STARD9: variants seen among roughly 807,000 people sequenced by gnomAD.
The protein encoded by STARD9 is StAR related lipid transfer domain containing 9.
In STARD9, 346 loss-of-function variants were observed where a neutral mutation model predicts 399.8. That is an observed-to-expected ratio of 0.87 (90% CI 0.79 to 0.95). The LOEUF (loss-of-function observed/expected upper bound fraction) is 0.95. Among genes scored for constraint, STARD9 ranks in the 40% least tolerant of loss-of-function variants. The pLI is 0.00. For synonymous variants in STARD9, 2,203 were observed against 2,143.5 expected (o/e 1.03, Z -0.77); for missense variants, 5,832 against 5,667.5 (o/e 1.03, Z -0.93).
At position 42,585,536 on chromosome 15, in the gene STARD9, G is replaced by A; in HGVS notation, c.133G>A (p.Asp45Asn). 1 of 1,536,988 alleles carries A rather than the reference G, an allele frequency of 6.5e-7. No homozygotes were observed. Among genetic ancestry groups the A allele is most frequent in the Non-Finnish European group, 8.7e-7 (1 of 1,146,724 alleles). Residue 45 changes from aspartate (D) to asparagine (N), a missense_variant, in exon 3 of 33, where the codon GAT becomes AAT. Asp to Asn is a conservative substitution (Grantham distance 23). Coordinates refer to ENST00000290607, the MANE Select transcript of STARD9 (RefSeq NM_020759.3). Reference sequence around the variant, plus strand: ...TTGATTTTAGGTGGACAATCGACCAGATGGCTTTGGGGACTCCCGGGAGAA... The same window carrying A: ...TTGATTTTAGGTGGACAATCGACCAAATGGCTTTGGGGACTCCCGGGAGAA... The part of the protein sequence containing the change: ...IRNLKVDNRP[D>N]GFGDSREKVM...
chr15:42,661,995 TA>T (rs956111684), intron 10 of STARD9, among the ~76,000 whole-genome samples: 59 of 151,584 alleles, frequency 3.9e-4, no homozygotes, highest in African/African-American at 1.3e-3. Context: ...GTTCTTTACT[TA>T]AAAAAAAAGT....
At chr15:42,697,123 G>C (rs559993843) in intron 26 of STARD9, among the ~76,000 whole-genome samples, 2 of 152,154 alleles carry the variant, frequency 1.3e-5, no homozygotes, top group Non-Finnish European at 2.9e-5. Context: ...CCAGTTTGTT[G>C]TATATTTCCA....
rs573233164 is a variant in STARD9 at position 42,657,956 on chromosome 15, C to T, written c.703-3202C>T. Among the ~76,000 whole-genome samples the T allele has an allele frequency of 9.9e-5, 15 of 152,234 alleles. No individual in the cohort carries two copies. In the South Asian group the frequency reaches 2.1e-3, roughly 21 times the overall value. On this transcript the variant is annotated intron_variant, in intron 9 of 32. Transcript: ENST00000290607. ...CTTTGATCTATATTTTGCACTTTAT[C>T]GAAAAGTTAACTCATATTGAATCAT...
intron 7 of STARD9, 138 bp downstream of exon 7, chr15:42,638,950 T>A: frequency 2.2e-6 from 1 of 456,826 alleles, no homozygotes; most frequent in Non-Finnish European, 3.8e-6. Flanking sequence ...GAATATGTAT[T>A]GATAAATAGA....
chr15:42,666,022 T>C (rs2060094966), intron 15 of STARD9, among the ~76,000 whole-genome samples, 174 bp downstream of exon 15: 1 of 152,262 alleles, frequency 6.6e-6, no homozygotes, highest in Non-Finnish European at 1.5e-5. Flanking sequence ...AGGGGGACTG[T>C]TAATGGCTTT....
Position 42,693,929 on chromosome 15 carries a change from C to T in STARD9, c.12351C>T (p.Cys4117=). ...PQACQPEELL[C]FSCQMCMAPE... Reference sequence around the variant, plus strand: ...CCTGCCAACCTGAGGAGTTACTGTGCTTCAGTTGCCAGATGTGCATGGCCC... The same window carrying T: ...CCTGCCAACCTGAGGAGTTACTGTGTTTCAGTTGCCAGATGTGCATGGCCC... The change falls in exon 23 of 33, where the codon TGC becomes TGT. Residue 4117 remains cysteine, a synonymous_variant. Transcript: ENST00000290607. 6.6e-7 allele frequency: 1 copy of T among 1,508,310 alleles called. No individual in the cohort carries two copies. Among genetic ancestry groups the T allele is most frequent in the Non-Finnish European group, 8.8e-7 (1 of 1,131,296 alleles). The allele number at this position is 1,508,310 out of a possible 1,614,324, so 93.4% of individuals were successfully genotyped here.
rs376163148 is a variant in STARD9, at chr15:42,692,902, A to G, written c.11324A>G (p.Glu3775Gly). ...GATACCTCGACTGTGTCTCAAGAAG[A>G]GGGAGATGTGCCAGGGGTACCTCAG... ...GSDTSTVSQE[E>G]GDVPGVPQKR... The change falls in exon 23 of 33, where the codon GAG becomes GGG. Residue 3775 changes from glutamate to glycine, a missense_variant. Glu to Gly is a moderately conservative substitution (Grantham distance 98). This residue lies in a region of STARD9 where 5,828 missense variants were observed against 5,651.1 expected (regional missense o/e 1.03). Transcript: ENST00000290607. 3.3e-6 allele frequency: 5 copies of G among 1,537,146 alleles called. No individual in the cohort carries two copies. The highest frequency in any genetic ancestry group is 1.7e-4 in the Middle Eastern group (1 of 6,010).
chr15:42,662,793 G>A lies in STARD9; in HGVS notation c.771-1G>A. ...TTTGTTTTTCATTGACTGTGTTTTA[G>A]CGAAAGAGCAGATCCCAGTTACTGT... On this transcript the variant is annotated splice_acceptor_variant, in intron 10 of 32. Coordinates refer to ENST00000290607, the MANE Select transcript of STARD9 (RefSeq NM_020759.3). LOFTEE classifies it high-confidence loss of function. 3 of 1,536,050 alleles carry A rather than the reference G, an allele frequency of 2.0e-6. No individual in the cohort carries two copies. Among genetic ancestry groups the A allele is most frequent in the Non-Finnish European group, 2.6e-6 (3 of 1,145,684 alleles).
At chr15:42,718,355 G>A in intron 30 of STARD9, 80 bp from the exon 31 acceptor site, 1 of 1,309,798 alleles carries the variant, frequency 7.6e-7, no homozygotes, top group Non-Finnish European at 1.1e-6. Flanking sequence ...GGTGTTGGGG[G>A]GAGGGCTCCC....
rs1186908205 is a variant in STARD9 at position 42,694,095 on chromosome 15, A to G, written c.12517A>G (p.Lys4173Glu). ...GGCCAGCGGTGATCTCAGCTCTGAAAAGCAGGAACAGAGTCCCCCACAACC... is the reference window on the plus strand; with the variant it reads ...GGCCAGCGGTGATCTCAGCTCTGAAGAGCAGGAACAGAGTCCCCCACAACC... ...LGASGDLSSE[K>E]QEQSPPQPPN... Residue 4173 changes from lysine (K) to glutamate (E), a missense_variant, in exon 23 of 33, where the codon AAG becomes GAG. Around this residue, in one of 2 missense-constraint regions of STARD9, gnomAD observed 5,828 missense variants for 5,651.1 expected, o/e 1.03. Coordinates refer to ENST00000290607, the MANE Select transcript of STARD9 (RefSeq NM_020759.3). The G allele has an allele frequency of 3.9e-6, 6 of 1,537,072 alleles. No individual in the cohort carries two copies. In the East Asian group the frequency reaches 9.8e-5, roughly 25 times the overall value.
chr15:42,674,276 G>C (rs2060263514), intron 16 of STARD9, among the ~76,000 whole-genome samples, 164 bp from the exon 17 acceptor site: 1 of 152,188 alleles, frequency 6.6e-6, no homozygotes, highest in Non-Finnish European at 1.5e-5. Flanking sequence ...GGTCAGAACA[G>C]CCGGGACCAA....
chr15:42,701,723 G>A (rs1022182741), intron 26 of STARD9, among the ~76,000 whole-genome samples: 7 of 152,084 alleles, frequency 4.6e-5, no homozygotes, highest in Admixed American at 1.3e-4. Flanking sequence ...GGCCAGGCAC[G>A]GTGGCTCACG....
intron 26 of STARD9, among the ~76,000 whole-genome samples, chr15:42,712,884 A>T (rs2061275662): frequency 6.6e-6 from 1 of 152,186 alleles, no homozygotes; most frequent in African/African-American, 2.4e-5. Flanking sequence ...GTCAGGAAGT[A>T]GGCATCTTCC....
chr15:42,646,010 A>T lies in STARD9; in HGVS notation c.560-5006A>T, dbSNP rs2059638339. Among the ~76,000 whole-genome samples, 3 of 151,984 alleles carry T rather than the reference A, an allele frequency of 2.0e-5. No individual in the cohort carries two copies. The South Asian group carries it at 6.2e-4, about 32-fold the overall frequency. ...CCCCCATATCTACTAAAAATACAAA[A>T]ATTAGCCAGACGTGGTGGCTGGTGC... On this transcript the variant is annotated intron_variant, in intron 7 of 32. Coordinates refer to ENST00000290607, the MANE Select transcript of STARD9 (RefSeq NM_020759.3).
chr15:42,706,916 ACTATT>A (rs1463962524), intron 26 of STARD9, among the ~76,000 whole-genome samples: 2 of 152,078 alleles, frequency 1.3e-5, no homozygotes, highest in East Asian at 3.9e-4. Context: ...CTAATATTGA[ACTATT>A]CTTGCATTCC....
intron 26 of STARD9, among the ~76,000 whole-genome samples, chr15:42,701,109 CTG>C (rs1566957840): frequency 6.6e-6 from 1 of 152,048 alleles, no homozygotes; most frequent in Non-Finnish European, 1.5e-5. Flanking sequence ...TTCCTTTAGT[CTG>C]TGTGTCAGTT....
intron 26 of STARD9, among the ~76,000 whole-genome samples, chr15:42,697,790 C>T (rs182475636): frequency 1.1e-4 from 17 of 152,264 alleles, no homozygotes; most frequent in African/African-American, 4.1e-4. Context: ...TATGCATATG[C>T]AAATTCTCCA....
intron 26 of STARD9, among the ~76,000 whole-genome samples, chr15:42,710,757 C>T (rs370873722): frequency 1.3e-5 from 2 of 152,168 alleles, no homozygotes; most frequent in African/African-American, 4.8e-5. Flanking sequence ...GCACCATACT[C>T]CCTCAGAAAG....
intron 4 of STARD9, among the ~76,000 whole-genome samples, chr15:42,635,551 AATCTCC>A (rs2059403567): frequency 6.6e-6 from 1 of 151,962 alleles, no homozygotes; most frequent in Admixed American, 6.6e-5. Context: ...GGATGGTCTC[AATCTCC>A]TCATCTCGTG....
Sources: allele counts gnomAD v4.1 joint callset (sites outside exome capture counted in the v4.1 genomes callset), GRCh38; gene constraint gnomAD v4.1.1; regional missense constraint gnomAD v4.1.1; transcripts MANE v1.5; gene names NCBI Gene and HGNC (gene_info 2026-07-23, HGNC 2026-07-21).